Variants in SNTG2 observed in about 807,000 individuals in gnomAD.
The protein encoded by SNTG2 is gamma-2-syntrophin.
SNTG2 carries 74 observed loss-of-function variants against 70.9 expected under a neutral mutation model. The ratio of observed to expected loss-of-function variants is 1.04; its 90% CI spans 0.86 to 1.27. The LOEUF is 1.27. Among genes scored for constraint, SNTG2 ranks in the 50% most tolerant of loss-of-function variants. The probability of loss-of-function intolerance (pLI) is 0.00; values close to 1 mark genes in which losing one functional copy is unlikely to be tolerated. For synonymous variants in SNTG2, 278 were observed against 273.8 expected (o/e 1.02, Z -0.15); for missense variants, 717 against 690.7 (o/e 1.04, Z -0.43).
At chr2:1,264,074 T>C (rs1678593609) in intron 13 of SNTG2, among the ~76,000 whole-genome samples, 1 of 152,238 alleles carries the variant, frequency 6.6e-6, no homozygotes, top group Non-Finnish European at 1.5e-5. Flanking sequence ...ATTTAACAAT[T>C]GTAAAAACCT....
At chr2:1,096,642 A>G (rs1360744417) in intron 2 of SNTG2, among the ~76,000 whole-genome samples, 2 of 152,242 alleles carry the variant, frequency 1.3e-5, no homozygotes, top group Admixed American at 1.3e-4. Context: ...ATGTTGCCAC[A>G]GATGGCAGGA....
chr2:991,920 G>T (rs973399293), intron 1 of SNTG2, among the ~76,000 whole-genome samples: 1 of 152,250 alleles, frequency 6.6e-6, no homozygotes, highest in East Asian at 1.9e-4. Context: ...GGCAGGGAGC[G>T]CTTGTAAGTG....
chr2:1,273,992 G>C (rs573015075), intron 14 of SNTG2, among the ~76,000 whole-genome samples: 19 of 152,190 alleles, frequency 1.2e-4, no homozygotes, highest in Non-Finnish European at 2.6e-4. Context: ...GAAAAGGCTT[G>C]AATAAACACT....
At chr2:1,247,520 G>A (rs1487338563) in intron 12 of SNTG2, 77 bp downstream of exon 12, 4 of 989,526 alleles carry the variant, frequency 4.0e-6, no homozygotes, top group Non-Finnish European at 6.4e-6. Context: ...AGCTACATCT[G>A]GTGTTTGGAG....
At chr2:1,130,678 G>A (rs1477059312) in intron 4 of SNTG2, among the ~76,000 whole-genome samples, 1 of 152,162 alleles carries the variant, frequency 6.6e-6, no homozygotes, top group African/African-American at 2.4e-5. Context: ...ACCTGAGAAA[G>A]TCTTGTGCCC....
At chr2:1,053,911 T>C (rs1277438108) in intron 1 of SNTG2, among the ~76,000 whole-genome samples, 1 of 150,796 alleles carries the variant, frequency 6.6e-6, no homozygotes, top group Non-Finnish European at 1.5e-5. Context: ...CCTCCCTTTG[T>C]CCCCTCCTCT....
chr2:1,074,148 G>C (rs1663765455), intron 1 of SNTG2, among the ~76,000 whole-genome samples: 1 of 152,206 alleles, frequency 6.6e-6, no homozygotes, highest in South Asian at 2.1e-4. Context: ...GGAGGACTCT[G>C]GTCTCCAGCC....
At chr2:1,323,951 G>A (rs1235213341) in intron 16 of SNTG2, among the ~76,000 whole-genome samples, 1 of 142,094 alleles carries the variant, frequency 7.0e-6, no homozygotes, top group South Asian at 2.3e-4. Flanking sequence ...GGACATGGCT[G>A]ACAGTCACAT....
At chr2:960,412 A>G (rs1660307182) in intron 1 of SNTG2, among the ~76,000 whole-genome samples, 1 of 152,146 alleles carries the variant, frequency 6.6e-6, no homozygotes, top group African/African-American at 2.4e-5. Flanking sequence ...GGGTAGGGTC[A>G]TGTGTGCCTT....
In SNTG2 at chr2:1,098,402, A is replaced by T; in HGVS notation, c.317A>T (p.Asp106Val). Residue 106 changes from aspartate to valine, a missense_variant, in exon 4 of 17, where the codon GAC (aspartate) becomes GTC (valine). Coordinates refer to ENST00000308624, the MANE Select transcript of SNTG2 (RefSeq NM_018968.4). Reference sequence around the variant, plus strand: ...GTCGTCATATCAAAAATATTCGAAGACCAAGCAGGTAAAAACAGCCAAAAT... The same window carrying T: ...GTCGTCATATCAAAAATATTCGAAGTCCAAGCAGGTAAAAACAGCCAAAAT... ...VPVVISKIFE[D>V]QAADQTGMLF... is the part of the protein sequence containing the mutation. 2.5e-6 allele frequency: 4 copies of T among 1,614,018 alleles called. No individual in the cohort carries two copies. Among genetic ancestry groups the T allele is most frequent in the Non-Finnish European group, 3.4e-6 (4 of 1,179,906 alleles).
intron 8 of SNTG2, among the ~76,000 whole-genome samples, chr2:1,179,876 T>C (rs1438245991): frequency 1.4e-3 from 190 of 136,558 alleles, no homozygotes; most frequent in East Asian, 7.9e-3. Flanking sequence ...GAGATATAGA[T>C]CAATGGAACA....
rs1660306883 is a variant in SNTG2 at position 1,023,397 on chromosome 2, G to C, written c.73-60121G>C. Among the ~76,000 whole-genome samples the C allele has an allele frequency of 3.9e-5, 6 of 152,228 alleles. No homozygotes were observed. In the South Asian group the frequency reaches 1.2e-3, roughly 32 times the overall value. On this transcript the variant is annotated intron_variant, in intron 1 of 16. Coordinates refer to ENST00000308624, the MANE Select transcript of SNTG2 (RefSeq NM_018968.4). Reference sequence around the variant, plus strand: ...TGAATTGATGCTGTGTTGGAGGCTGGATGGTGGTAAATCTATTTTTATTTA... The same window carrying C: ...TGAATTGATGCTGTGTTGGAGGCTGCATGGTGGTAAATCTATTTTTATTTA...
intron 14 of SNTG2, among the ~76,000 whole-genome samples, chr2:1,274,555 C>T (rs1235848110): frequency 6.6e-6 from 1 of 152,172 alleles, no homozygotes; most frequent in African/African-American, 2.4e-5. Context: ...GGTGTCACAC[C>T]TAAGAACTTA....
At chr2:1,256,949 A>C (rs1678152958) in intron 12 of SNTG2, among the ~76,000 whole-genome samples, 2 of 144,750 alleles carry the variant, frequency 1.4e-5, no homozygotes, top group Non-Finnish European at 3.0e-5. Flanking sequence ...AATGATGAGA[A>C]AGACCCACTT....
intron 16 of SNTG2, among the ~76,000 whole-genome samples, chr2:1,359,303 T>C (rs1236781256): frequency 6.6e-6 from 1 of 152,162 alleles, no homozygotes; most frequent in Non-Finnish European, 1.5e-5. Context: ...TCAAAAAGAT[T>C]TAGATCTTGA....
intron 14 of SNTG2, among the ~76,000 whole-genome samples, chr2:1,294,981 T>G (rs1220179710): frequency 6.6e-6 from 1 of 152,202 alleles, no homozygotes; most frequent in East Asian, 1.9e-4. Context: ...CCCTCTGGGA[T>G]GAGGCGTTTG....
At chr2:1,006,315 A>C (rs985415406) in intron 1 of SNTG2, among the ~76,000 whole-genome samples, 2 of 152,090 alleles carry the variant, frequency 1.3e-5, no homozygotes, top group Non-Finnish European at 2.9e-5. Flanking sequence ...GTATAATTAA[A>C]AAAAAGAAAA....
At chr2:1,018,556 C>G (rs554723634) in intron 1 of SNTG2, among the ~76,000 whole-genome samples, 1 of 151,938 alleles carries the variant, frequency 6.6e-6, no homozygotes, top group Non-Finnish European at 1.5e-5. Context: ...GGGTTGGGGC[C>G]GCTGTCAGAC....
At chr2:988,601 G>A (rs1248685781) in intron 1 of SNTG2, among the ~76,000 whole-genome samples, 1 of 152,186 alleles carries the variant, frequency 6.6e-6, no homozygotes, top group Non-Finnish European at 1.5e-5. Context: ...GGCTTAGGCA[G>A]TTGTGAATAA....
Sources: allele counts gnomAD v4.1 joint callset (sites outside exome capture counted in the v4.1 genomes callset), GRCh38; gene constraint gnomAD v4.1.1; transcripts MANE v1.5; gene names NCBI Gene and HGNC (gene_info 2026-07-23, HGNC 2026-07-21).